Variants in ANKRD31 observed in about 807,000 individuals in gnomAD.
ANKRD31 encodes the protein ankyrin repeat domain-containing protein 31.
A neutral mutation model predicts 186.0 loss-of-function variants in ANKRD31; 147 were observed. The ratio of observed to expected loss-of-function variants is 0.79; its 90% CI spans 0.69 to 0.91. The LOEUF is 0.91. Ranked by LOEUF, ANKRD31 falls within the 40% of genes least tolerant of loss-of-function variation. The probability of loss-of-function intolerance (pLI) is 0.00; values close to 1 mark genes in which losing one functional copy is unlikely to be tolerated. For missense variants in ANKRD31, 1,986 were observed against 2,148.8 expected (o/e 0.92, Z 1.50); for synonymous variants, 673 against 736.4 (o/e 0.91, Z 1.39).
intron 4 of ANKRD31, among the ~76,000 whole-genome samples, chr5:75,209,650 C>A (rs905666662): frequency 1.2e-4 from 19 of 152,164 alleles, no homozygotes; most frequent in African/African-American, 4.6e-4. Flanking sequence ...GCACTCCAGC[C>A]TGGGTGACAG....
intron 17 of ANKRD31, among the ~76,000 whole-genome samples, chr5:75,126,584 T>G (rs375544595): frequency 6.6e-6 from 1 of 152,334 alleles, no homozygotes; most frequent in Admixed American, 6.5e-5. Context: ...AAGCTTTCAT[T>G]TTTCTTAGGT....
chr5:75,117,365 A>C (rs1157086163), intron 18 of ANKRD31, among the ~76,000 whole-genome samples: 1 of 152,184 alleles, frequency 6.6e-6, no homozygotes, highest in Non-Finnish European at 1.5e-5. Flanking sequence ...TGGACTTACT[A>C]TATGGAAGCA....
chr5:75,082,604 A>C (rs1403727861), intron 24 of ANKRD31, among the ~76,000 whole-genome samples: 1 of 152,224 alleles, frequency 6.6e-6, no homozygotes, highest in Non-Finnish European at 1.5e-5. Context: ...ATTCCATCTG[A>C]TAAAGGGTAT....
At chr5:75,177,487 G>C (rs1454672520) in intron 10 of ANKRD31, among the ~76,000 whole-genome samples, 1 of 152,252 alleles carries the variant, frequency 6.6e-6, no homozygotes, top group Non-Finnish European at 1.5e-5. Flanking sequence ...CACAGAGAAA[G>C]GTCGAGTTAC....
intron 17 of ANKRD31, among the ~76,000 whole-genome samples, chr5:75,132,206 G>A (rs565239060): frequency 6.6e-6 from 1 of 152,306 alleles, no homozygotes; most frequent in South Asian, 2.1e-4. Context: ...CGATCGGTAA[G>A]AACAAACTTC....
At chr5:75,164,498 G>T (rs527938097) in intron 11 of ANKRD31, among the ~76,000 whole-genome samples, 14 of 152,368 alleles carry the variant, frequency 9.2e-5, no homozygotes, top group African/African-American at 3.1e-4. Flanking sequence ...TAAAGGTAGA[G>T]AGTACATAAG....
At chr5:75,160,869 C>T (rs915337542) in intron 11 of ANKRD31, among the ~76,000 whole-genome samples, 1 of 152,150 alleles carries the variant, frequency 6.6e-6, no homozygotes, top group African/African-American at 2.4e-5. Context: ...TCTCTTGGTT[C>T]TCATTCTCTC....
intron 17 of ANKRD31, among the ~76,000 whole-genome samples, chr5:75,132,039 T>C (rs934375150): frequency 6.6e-6 from 1 of 152,148 alleles, no homozygotes; most frequent in Non-Finnish European, 1.5e-5. Context: ...CAAAGGTAGA[T>C]AAAACCACAA....
At chr5:75,171,103 C>G (rs960990935) in intron 10 of ANKRD31, among the ~76,000 whole-genome samples, 1 of 151,430 alleles carries the variant, frequency 6.6e-6, no homozygotes, top group African/African-American at 2.4e-5. Context: ...TATAGAACAG[C>G]TGAACAACAT....
chr5:75,116,797 T>C, intron 18 of ANKRD31, 116 bp from the exon 19 acceptor site: 2 of 486,556 alleles, frequency 4.1e-6, no homozygotes, highest in Non-Finnish European at 3.3e-6. Flanking sequence ...TATTATAATA[T>C]CTTAACCAAC....
Position 75,230,652 on chromosome 5 carries a change from G to C in ANKRD31, c.105-17C>G. ...AACAGCAACCTTTCAAATACCAAAA[G>C]GGAAGGCACAAGTTGTTAATGTGTC... On this transcript the variant is annotated splice_polypyrimidine_tract_variant and intron_variant, in intron 1 of 25. Transcript: ENST00000506364. The C allele has an allele frequency of 6.7e-7, 1 of 1,485,662 alleles. No homozygotes were observed. Among genetic ancestry groups the C allele is most frequent in the Non-Finnish European group, 8.8e-7 (1 of 1,131,618 alleles). The allele number at this position is 1,485,662 out of a possible 1,614,324, so 92.0% of individuals were successfully genotyped here.
chr5:75,179,629 A>C (rs1325689222), intron 10 of ANKRD31, among the ~76,000 whole-genome samples: 1 of 152,244 alleles, frequency 6.6e-6, no homozygotes, highest in East Asian at 1.9e-4. Flanking sequence ...ACCAAAGACA[A>C]AAACCACGAT....
chr5:75,215,178 T>C (rs1193865728), intron 3 of ANKRD31, among the ~76,000 whole-genome samples: 1 of 152,174 alleles, frequency 6.6e-6, no homozygotes, highest in Non-Finnish European at 1.5e-5. Context: ...CAGTCTGCTG[T>C]AGAATTCTCT....
chr5:75,170,283 T>TTA (rs1480836163), intron 10 of ANKRD31, among the ~76,000 whole-genome samples: 1 of 152,114 alleles, frequency 6.6e-6, no homozygotes, highest in Non-Finnish European at 1.5e-5. Context: ...GGTGTACACT[T>TTA]AATCCCTAGA....
intron 25 of ANKRD31, among the ~76,000 whole-genome samples, chr5:75,073,254 G>C (rs1482001211): frequency 6.6e-6 from 1 of 151,368 alleles, no homozygotes; most frequent in Non-Finnish European, 1.5e-5. Flanking sequence ...CTATGATCCT[G>C]CCACTGCACT....
In ANKRD31 at chr5:75,195,662, T is replaced by C. The variant is rs1450751213; in HGVS notation, c.986A>G (p.Gln329Arg). 1 of 1,535,124 alleles carries C rather than the reference T, an allele frequency of 6.5e-7. No individual in the cohort carries two copies. The highest frequency in any genetic ancestry group is 8.7e-7 in the Non-Finnish European group (1 of 1,145,832). ...ECLEVEFNTS[Q>R]TNEDCTQIAE... ...TATTTGTGTACAATCTTCATTGGTCTGAGACGTATTGAACTCCACTTCTAA... is the reference window on the plus strand; with the variant it reads ...TATTTGTGTACAATCTTCATTGGTCCGAGACGTATTGAACTCCACTTCTAA... Residue 329 changes from glutamine (Q) to arginine (R), a missense_variant, in exon 7 of 26, where the codon CAG (glutamine) becomes CGG (arginine). Physicochemically the swap from Gln to Arg is conservative, Grantham distance 43. Transcript: ENST00000506364.
intron 9 of ANKRD31, among the ~76,000 whole-genome samples, chr5:75,189,351 A>C (rs1324090835): frequency 6.6e-6 from 1 of 152,180 alleles, no homozygotes; most frequent in South Asian, 2.1e-4. Context: ...GGCAATACTC[A>C]TCTGGATTTT....
Position 75,086,355 on chromosome 5 carries a change from G to A in ANKRD31, c.5473-1981C>T, listed in dbSNP as rs977929052. ...TAGACCTCAGAATGAACAGACACTAGATCACTTCTAGAAAATGTGCATTTC... is the reference window on the plus strand; with the variant it reads ...TAGACCTCAGAATGAACAGACACTAAATCACTTCTAGAAAATGTGCATTTC... On this transcript the variant is annotated intron_variant, in intron 23 of 25. Coordinates refer to ENST00000506364, the MANE Select transcript of ANKRD31 (RefSeq NM_001372053.1). Among the ~76,000 whole-genome samples the A allele has an allele frequency of 8.5e-5, 13 of 152,256 alleles. No individual in the cohort carries two copies. In the East Asian group the frequency reaches 2.1e-3, roughly 25 times the overall value.
rs74621668 is a variant in ANKRD31 at position 75,187,662 on chromosome 5, C to T, written c.1564+831G>A. The stretch of plus-strand genomic sequence containing the variant: ...TACAAGGTTGAGGGTTATAACAGGG[C>T]TATAACCTGGGTATGACATTTAAAA... On this transcript the variant is annotated intron_variant, in intron 10 of 25. Coordinates refer to ENST00000506364, the MANE Select transcript of ANKRD31 (RefSeq NM_001372053.1). Among the ~76,000 whole-genome samples, 1,220 of 152,216 alleles carry T rather than the reference C, an allele frequency of 8.0e-3. 26 individuals carry two copies. Among genetic ancestry groups the T allele is most frequent in the African/African-American group, 0.027 (1,129 of 41,524 alleles).
Sources: gnomAD v4.1 joint callset for allele counts (sites outside exome capture counted in the v4.1 genomes callset) on GRCh38, gnomAD v4.1.1 for gene constraint, MANE v1.5 for transcripts, NCBI Gene and HGNC (gene_info 2026-07-23, HGNC 2026-07-21) for gene names.